Variants in RBMS3 observed in about 807,000 individuals in gnomAD.
RBMS3 encodes the protein RNA-binding motif, single-stranded-interacting protein 3.
Under a neutral mutation model 66.8 loss-of-function variants are expected in RBMS3, and 27 were observed. The ratio of observed to expected loss-of-function variants is 0.40; its 90% CI spans 0.30 to 0.56. The LOEUF is 0.56. Ranked by LOEUF, RBMS3 falls within the 20% of genes least tolerant of loss-of-function variation. RBMS3 has a pLI of 0.40. For synonymous variants in RBMS3, 188 were observed against 183.0 expected, an observed-to-expected ratio of 1.03 and a Z score of -0.22; for missense variants, 513 against 549.5, an observed-to-expected ratio of 0.93 and a Z score of 0.66.
intron 4 of RBMS3, among the ~76,000 whole-genome samples, chr3:29,644,557 G>A (rs59996873): frequency 0.014 from 2,175 of 152,194 alleles, 39 homozygotes; most frequent in African/African-American, 0.041. Context: ...TAATTATGTC[G>A]TGTCTGCATT....
chr3:29,908,244 T>C (rs7644086), intron 10 of RBMS3, among the ~76,000 whole-genome samples: 17,968 of 151,460 alleles, frequency 0.12, 2,297 homozygotes, highest in African/African-American at 0.32. Context: ...AAACAAGACC[T>C]TGTCTCAAAA....
intron 1 of RBMS3, among the ~76,000 whole-genome samples, chr3:29,333,302 T>C (rs1314372715): frequency 6.6e-6 from 1 of 152,146 alleles, no homozygotes; most frequent in South Asian, 2.1e-4. Context: ...GGTGAACTAG[T>C]CAGTGATCAT....
In RBMS3 at chr3:30,009,203, ACT is replaced by A. The variant is rs1303998576; in HGVS notation, c.*5345_*5346del. ...TTCTAAATTGTGCATAAATACAATC[ACT>A]CTCAATTTTTGAAGGGCTAATTATC... On this transcript the variant is annotated 3_prime_UTR_variant, in exon 15 of 15. Transcript: ENST00000383767. 6.6e-6 allele frequency: 1 copy of A among 151,064 alleles called. No homozygotes were observed. Among genetic ancestry groups the A allele is most frequent in the African/African-American group, 2.4e-5 (1 of 41,034 alleles). 9.4% of individuals were successfully genotyped at this position (151,064 alleles called of 1,614,324 possible).
intron 3 of RBMS3, among the ~76,000 whole-genome samples, chr3:29,506,797 G>A (rs2044197803): frequency 6.6e-6 from 1 of 151,554 alleles, no homozygotes; most frequent in South Asian, 2.1e-4. Flanking sequence ...GTTTAGTCTT[G>A]GTTTTTATGT....
At chr3:29,747,147 T>A (rs961825440) in intron 5 of RBMS3, among the ~76,000 whole-genome samples, 1 of 152,210 alleles carries the variant, frequency 6.6e-6, no homozygotes, top group African/African-American at 2.4e-5. Context: ...TATAGCCCAA[T>A]ATCATTTGAG....
intron 1 of RBMS3, among the ~76,000 whole-genome samples, chr3:29,357,531 C>T (rs2125572250): frequency 6.6e-6 from 1 of 152,264 alleles, no homozygotes; most frequent in Middle Eastern, 3.4e-3. Context: ...GTTTTTATAG[C>T]AGCATGATTT....
At chr3:29,804,920 C>CGTGTGTGT (rs10576635) in intron 6 of RBMS3, among the ~76,000 whole-genome samples, 230 of 146,434 alleles carry the variant, frequency 1.6e-3, no homozygotes, top group Middle Eastern at 7.1e-3. Flanking sequence ...TCTGCGTGTA[C>CGTGTGTGT]GTGTGTGTGT....
In RBMS3 at chr3:29,430,626, A is replaced by AG. The variant is rs892430726; in HGVS notation, c.76-4111dup. 2.0e-5 allele frequency among the ~76,000 whole-genome samples: 3 copies of AG among 152,262 alleles called. No homozygotes were observed. In the East Asian group the frequency reaches 5.8e-4, roughly 29 times the overall value. On this transcript the variant is annotated intron_variant, in intron 1 of 14. Coordinates refer to ENST00000383767, the MANE Select transcript of RBMS3 (RefSeq NM_001003793.3). The stretch of plus-strand genomic sequence containing the variant: ...TATGGAAATGCTTACAAAGAGCCCT[A>AG]GGGGGGAAAAGAATTAAGTAAACAC...
chr3:29,667,397 G>C (rs1371427534), intron 4 of RBMS3, among the ~76,000 whole-genome samples: 1 of 152,132 alleles, frequency 6.6e-6, no homozygotes, highest in African/African-American at 2.4e-5. Context: ...GAACTTGTTT[G>C]AAATACAAAT....
At chr3:29,945,141 G>T (rs186155510) in intron 12 of RBMS3, among the ~76,000 whole-genome samples, 14 of 151,676 alleles carry the variant, frequency 9.2e-5, no homozygotes, top group Middle Eastern at 6.8e-3. Flanking sequence ...AGACAGCAAG[G>T]TCATAAAATA....
At chr3:29,755,696 C>T (rs115776713) in intron 5 of RBMS3, among the ~76,000 whole-genome samples, 146 of 152,266 alleles carry the variant, frequency 9.6e-4, no homozygotes, top group African/African-American at 2.9e-3. Flanking sequence ...AGATGCAACC[C>T]CTGCTAGACA....
At chr3:29,730,988 G>T (rs1424565888) in intron 4 of RBMS3, 6 of 985,222 alleles carry the variant, frequency 6.1e-6, no homozygotes, top group Middle Eastern at 5.2e-4. Context: ...GATCCAATCT[G>T]GCCACCTGTT....
At chr3:29,827,102 G>T (rs1442119079) in intron 6 of RBMS3, among the ~76,000 whole-genome samples, 1 of 152,062 alleles carries the variant, frequency 6.6e-6, no homozygotes, top group Non-Finnish European at 1.5e-5. Flanking sequence ...TTTATGAGAG[G>T]TTAAGTGCCT....
chr3:29,569,771 T>A (rs1209485226), intron 3 of RBMS3, among the ~76,000 whole-genome samples: 1 of 152,172 alleles, frequency 6.6e-6, no homozygotes, highest in Non-Finnish European at 1.5e-5. Context: ...TCTAGGAGGC[T>A]TTGAAAGCAT....
chr3:29,363,477 G>C (rs2037721026), intron 1 of RBMS3, among the ~76,000 whole-genome samples: 1 of 152,126 alleles, frequency 6.6e-6, no homozygotes, highest in Admixed American at 6.5e-5. Context: ...TTACCACAAA[G>C]TCAATTGACA....
intron 1 of RBMS3, among the ~76,000 whole-genome samples, chr3:29,341,412 T>C (rs2036275286): frequency 6.6e-6 from 1 of 152,140 alleles, no homozygotes; most frequent in Non-Finnish European, 1.5e-5. Context: ...TTGTATTAAT[T>C]CTAAAATCCG....
chr3:29,640,255 TACACACAC>T lies in RBMS3; in HGVS notation c.399+53073_399+53080del, dbSNP rs34719305. Among the ~76,000 whole-genome samples the T allele has an allele frequency of 3.4e-4, 47 of 140,124 alleles. No individual in the cohort carries two copies. In the East Asian group the frequency reaches 6.7e-3, roughly 20 times the overall value. 91.9% of individuals were successfully genotyped at this position (140,124 alleles called of 152,430 possible). A position where few individuals can be genotyped will look rare whatever the true frequency, so the allele number is the denominator to read the frequency against. ...GTAAACATTTTATTGACATTTTGGT[TACACACAC>T]ACACACACACACACACACACACCCA... On this transcript the variant is annotated intron_variant, in intron 4 of 14. Transcript: ENST00000383767.
chr3:29,736,720 C>T (rs76612023), intron 4 of RBMS3, among the ~76,000 whole-genome samples: 6,781 of 152,208 alleles, frequency 0.045, 194 homozygotes, highest in Middle Eastern at 0.085. Context: ...TCAGAAATCA[C>T]ATCATAAGAA....
intron 6 of RBMS3, among the ~76,000 whole-genome samples, chr3:29,794,834 C>G (rs1171723197): frequency 6.6e-6 from 1 of 152,092 alleles, no homozygotes; most frequent in Non-Finnish European, 1.5e-5. Flanking sequence ...TGATAAAGAG[C>G]AGGACACAGG....
Sources: gnomAD v4.1 joint callset for allele counts (sites outside exome capture counted in the v4.1 genomes callset) on GRCh38, gnomAD v4.1.1 for gene constraint, MANE v1.5 for transcripts, NCBI Gene and HGNC (gene_info 2026-07-23, HGNC 2026-07-21) for gene names.